Variants in FBXL3 observed in about 807,000 individuals in gnomAD.
FBXL3 encodes F-box/LRR-repeat protein 3.
Under a neutral mutation model 37.9 loss-of-function variants are expected in FBXL3, and 14 were observed. The observed-to-expected ratio is 0.37, with a 90% confidence interval of 0.24 to 0.58. The LOEUF is 0.58. FBXL3 is among the 20% of genes least tolerant of loss of function. The pLI is 0.74. For missense variants in FBXL3, 327 were observed against 511.1 expected (o/e 0.64, Z 3.47); for synonymous variants, 194 against 180.1 (o/e 1.08, Z -0.62).
intron 4 of FBXL3, chr13:77,009,910 A>G (rs1028810035): frequency 1.8e-4 from 28 of 152,266 alleles, no homozygotes; most frequent in African/African-American, 6.5e-4. Flanking sequence ...GCACCATGGA[A>G]TACTATGCAG....
intron 1 of FBXL3, among the ~76,000 whole-genome samples, chr13:77,025,099 A>G (rs2154038047): frequency 6.6e-6 from 1 of 152,230 alleles, no homozygotes; most frequent in East Asian, 1.9e-4. Flanking sequence ...CCTGCAAATA[A>G]TTTACATCAA....
chr13:77,007,807 T>A lies in FBXL3; in HGVS notation c.644-19A>T. The A allele has an allele frequency of 1.3e-6, 2 of 1,525,170 alleles. No individual in the cohort carries two copies. The highest frequency in any genetic ancestry group is 1.3e-5 in the South Asian group (1 of 76,490). The allele number at this position is 1,525,170 out of a possible 1,614,324, so 94.5% of individuals were successfully genotyped here. A position where few individuals can be genotyped will look rare whatever the true frequency, so the allele number is the denominator to read the frequency against. On this transcript the variant is annotated intron_variant, in intron 4 of 4. Transcript: ENST00000355619. ...AGGATACCTTGAAAGAAAAAAAAAATTATTTGCAAGTTTTTGTAAAAGTTT... is the reference window on the plus strand; with the variant it reads ...AGGATACCTTGAAAGAAAAAAAAAAATATTTGCAAGTTTTTGTAAAAGTTT...
intron 4 of FBXL3, among the ~76,000 whole-genome samples, chr13:77,012,438 A>T (rs914752906): frequency 1.3e-5 from 2 of 152,188 alleles, no homozygotes; most frequent in Non-Finnish European, 2.9e-5. Context: ...TTTTAATCAC[A>T]GCAAAAAAGG....
At position 77,007,152 on chromosome 13, in the gene FBXL3, G is replaced by A; in HGVS notation, c.1280C>T (p.Thr427Ile). 3 of 1,599,576 alleles carry A rather than the reference G, an allele frequency of 1.9e-6. No homozygotes were observed. The highest frequency in any genetic ancestry group is 1.1e-5 in the South Asian group (1 of 90,172). The change falls in exon 5 of 5, where the codon ACT becomes ATT. Residue 427 changes from threonine (T) to isoleucine (I), a missense_variant. Coordinates refer to ENST00000355619, the MANE Select transcript of FBXL3 (RefSeq NM_012158.4). ...GRVWFPDMMP[T>I]W ...CTATTCATCATGCAGTTTTTACCAAGTGGGCATCATGTCGGGAAACCACAC... is the reference window on the plus strand; with the variant it reads ...CTATTCATCATGCAGTTTTTACCAAATGGGCATCATGTCGGGAAACCACAC...
At chr13:77,008,623 G>C (rs1482716699) in intron 4 of FBXL3, 1 of 152,616 alleles carries the variant, frequency 6.6e-6, no homozygotes, top group Admixed American at 6.5e-5. Flanking sequence ...TGTGATCTCA[G>C]CTCACTGCAG....
chr13:77,025,970 C>T (rs950671241), intron 1 of FBXL3, among the ~76,000 whole-genome samples: 1 of 152,048 alleles, frequency 6.6e-6, no homozygotes, highest in Admixed American at 6.5e-5. Flanking sequence ...GCTTAGAGAG[C>T]GCACAGTGGC....
At chr13:77,023,758 G>T (rs972049555) in intron 1 of FBXL3, among the ~76,000 whole-genome samples, 10 of 152,188 alleles carry the variant, frequency 6.6e-5, no homozygotes, top group African/African-American at 2.2e-4. Context: ...CAGCATAAAA[G>T]AATTTCTCAT....
rs1430083269 is a variant in FBXL3 at position 77,005,840 on chromosome 13, T to C, written c.*1305A>G. On this transcript the variant is annotated 3_prime_UTR_variant, in exon 5 of 5. Transcript: ENST00000355619. ...GATTTCCCTCAGGAGGGTAGTAATA[T>C]CTACTAGCACTAGTGCCCAGCATCA... 6.6e-6 allele frequency: 1 copy of C among 152,180 alleles called. No individual in the cohort carries two copies. Among genetic ancestry groups the C allele is most frequent in the Non-Finnish European group, 1.5e-5 (1 of 67,948 alleles). The allele number at this position is 152,180 out of a possible 1,614,324, so 9.4% of individuals were successfully genotyped here.
At chr13:77,014,319 T>A (rs937031415) in intron 4 of FBXL3, 1 of 152,252 alleles carries the variant, frequency 6.6e-6, no homozygotes, top group Admixed American at 6.5e-5. Flanking sequence ...AAGGACCTTG[T>A]ACACTATGAA....
At chr13:77,011,149 G>C (rs1407374323) in intron 4 of FBXL3, among the ~76,000 whole-genome samples, 1 of 151,838 alleles carries the variant, frequency 6.6e-6, no homozygotes. Flanking sequence ...CGACCAGCCT[G>C]GCCAACACGG....
intron 4 of FBXL3, among the ~76,000 whole-genome samples, chr13:77,011,865 A>G (rs1457170930): frequency 5.9e-5 from 9 of 152,238 alleles, no homozygotes; most frequent in African/African-American, 2.2e-4. Flanking sequence ...GGCTATGTAA[A>G]GTGGTACACA....
chr13:77,023,345 A>AGAGAGAGAGTGTGT (rs199568005), intron 1 of FBXL3, among the ~76,000 whole-genome samples: 52 of 147,600 alleles, frequency 3.5e-4, no homozygotes, highest in Middle Eastern at 6.9e-3. Context: ...AGAGAGAGAG[A>AGAGAGAGAGTGTGT]GTGTGTGTGT....
chr13:77,015,646 C>G, intron 3 of FBXL3, 66 bp from the exon 4 acceptor site: 6 of 1,084,656 alleles, frequency 5.5e-6, no homozygotes, highest in Non-Finnish European at 7.6e-6. Flanking sequence ...AAGGGGTTTC[C>G]TAGTACTACA....
Position 77,005,839 on chromosome 13 carries a change from AT to A in FBXL3, c.*1305del. The A allele has an allele frequency of 6.6e-6, 1 of 152,330 alleles. No homozygotes were observed. The highest frequency in any genetic ancestry group is 2.1e-4 in the South Asian group (1 of 4,828). The allele number at this position is 152,330 out of a possible 1,614,324, so 9.4% of individuals were successfully genotyped here. Reference sequence around the variant, plus strand: ...TGATTTCCCTCAGGAGGGTAGTAATATCTACTAGCACTAGTGCCCAGCATCA... The same window carrying A: ...TGATTTCCCTCAGGAGGGTAGTAATACTACTAGCACTAGTGCCCAGCATCA... On this transcript the variant is annotated 3_prime_UTR_variant, in exon 5 of 5. Coordinates refer to ENST00000355619, the MANE Select transcript of FBXL3 (RefSeq NM_012158.4).
intron 2 of FBXL3, among the ~76,000 whole-genome samples, chr13:77,021,288 G>C (rs891915128): frequency 2.6e-5 from 4 of 152,080 alleles, no homozygotes; most frequent in Non-Finnish European, 4.4e-5. Context: ...TGCTTATTTA[G>C]TGGCTGCTTT....
intron 1 of FBXL3, among the ~76,000 whole-genome samples, chr13:77,022,211 C>T (rs905951364): frequency 1.2e-4 from 18 of 152,114 alleles, no homozygotes; most frequent in Non-Finnish European, 2.9e-5. Flanking sequence ...TAAAAGGGAA[C>T]CTACAGCGAT....
intron 3 of FBXL3, chr13:77,018,183 T>C (rs2034677868): frequency 6.6e-6 from 1 of 152,432 alleles, no homozygotes; most frequent in African/African-American, 2.4e-5. Flanking sequence ...CATGATTAAA[T>C]CTTTCCAGAA....
chr13:77,007,721 A>G lies in FBXL3; in HGVS notation c.711T>C (p.Ser237=), dbSNP rs1262457766. 1 of 1,613,982 alleles carries G rather than the reference A, an allele frequency of 6.2e-7. No homozygotes were observed. The highest frequency in any genetic ancestry group is 8.5e-7 in the Non-Finnish European group (1 of 1,179,978). ...AAGACAATGCAAGTAACAACTCATC[A>G]CTCAATAAGTGGTAGTTCAGGGCTA... ...RELALNYHLL[S]DELLLALSSE... is the part of the protein sequence containing the mutation. Residue 237 remains serine, a synonymous_variant, in exon 5 of 5, where the codon AGT becomes AGC. Transcript: ENST00000355619.
intron 4 of FBXL3, chr13:77,009,259 C>T (rs1214888354): frequency 6.6e-6 from 1 of 152,196 alleles, no homozygotes; most frequent in East Asian, 1.9e-4. Flanking sequence ...CAGAATGAGT[C>T]ACCAGAAAAG....
Sources: gnomAD v4.1 joint callset for allele counts (sites outside exome capture counted in the v4.1 genomes callset) on GRCh38, gnomAD v4.1.1 for gene constraint, MANE v1.5 for transcripts, NCBI Gene and HGNC (gene_info 2026-07-23, HGNC 2026-07-21) for gene names.